Variants in MTUS2 observed in about 807,000 individuals in gnomAD.
MTUS2 encodes the protein microtubule associated scaffold protein 2, also known as microtubule-associated tumor suppressor candidate 2.
MTUS2 carries 40 observed loss-of-function variants against 114.1 expected under a neutral mutation model. That is an observed-to-expected ratio of 0.35 (90% CI 0.27 to 0.46). The LOEUF (loss-of-function observed/expected upper bound fraction) is 0.46, where lower values mean the gene tolerates loss of function less well. Ranked by LOEUF, MTUS2 falls within the 20% of genes least tolerant of loss-of-function variation. MTUS2 has a pLI of 1.00. For missense variants in MTUS2, 1,679 were observed against 1,705.4 expected (o/e 0.98, Z 0.27); for synonymous variants, 688 against 672.0 (o/e 1.02, Z -0.37).
chr13:29,053,360 T>A (rs781728410), intron 4 of MTUS2, among the ~76,000 whole-genome samples: 27 of 152,070 alleles, frequency 1.8e-4, no homozygotes, highest in Non-Finnish European at 4.0e-4. Flanking sequence ...TGGAGATCCA[T>A]GTGGGCACTA....
intron 1 of MTUS2, among the ~76,000 whole-genome samples, chr13:28,831,231 A>C (rs1487336688): frequency 1.3e-5 from 2 of 152,222 alleles, no homozygotes; most frequent in Non-Finnish European, 2.9e-5. Flanking sequence ...TGGAGGAACA[A>C]AAAGACATCA....
intron 4 of MTUS2, among the ~76,000 whole-genome samples, chr13:29,064,539 T>G (rs1407757140): frequency 6.6e-6 from 1 of 152,154 alleles, no homozygotes; most frequent in African/African-American, 2.4e-5. Context: ...ACTACTGTTG[T>G]AGTGTAAGCA....
chr13:29,001,779 C>G (rs931396345), intron 2 of MTUS2, among the ~76,000 whole-genome samples: 1 of 152,130 alleles, frequency 6.6e-6, no homozygotes, highest in African/African-American at 2.4e-5. Flanking sequence ...CCTGGATGAT[C>G]TGAGTAGGTC....
chr13:29,376,029 A>G (rs199977304), intron 8 of MTUS2, among the ~76,000 whole-genome samples: 11 of 12,170 alleles, frequency 9.0e-4, no homozygotes, highest in Non-Finnish European at 4.2e-3. Flanking sequence ...ATGTGTGTGT[A>G]TATATATATA....
At chr13:28,957,488 T>C (rs1309103291) in intron 2 of MTUS2, among the ~76,000 whole-genome samples, 1 of 152,238 alleles carries the variant, frequency 6.6e-6, no homozygotes, top group Non-Finnish European at 1.5e-5. Context: ...ATATTGAACA[T>C]GCACAGACTT....
At position 29,024,807 on chromosome 13, in the gene MTUS2, G is replaced by A. The variant is rs780176950; in HGVS notation, c.109G>A (p.Ala37Thr). The change falls in exon 3 of 16, where the codon GCC becomes ACC. Residue 37 changes from alanine (A) to threonine (T), a missense_variant. By Grantham distance (58) the Ala-to-Thr change is moderately conservative. This residue lies in a region of MTUS2 where 843 missense variants were observed against 770.8 expected (regional missense o/e 1.09). Transcript: ENST00000612955. ...CATCTTAAGTCTGGGAGATACGAAT[G>A]CCAATCAAATCATGTTGGAGGTCAG... ...ESILSLGDTNANQIMLEVSSS... is the reference protein window; with the variant it reads ...ESILSLGDTNTNQIMLEVSSS... The A allele has an allele frequency of 1.2e-6, 2 of 1,614,026 alleles. No individual in the cohort carries two copies. Among genetic ancestry groups the A allele is most frequent in the Non-Finnish European group, 1.7e-6 (2 of 1,179,902 alleles).
chr13:28,855,163 G>GAA (rs1365689342), intron 2 of MTUS2, among the ~76,000 whole-genome samples: 3 of 151,858 alleles, frequency 2.0e-5, no homozygotes, highest in Non-Finnish European at 4.4e-5. Context: ...ATGCCGATAC[G>GAA]AATTGTGCTT....
chr13:29,072,686 C>T (rs1465683646), intron 4 of MTUS2, among the ~76,000 whole-genome samples: 1 of 152,128 alleles, frequency 6.6e-6, no homozygotes, highest in Non-Finnish European at 1.5e-5. Flanking sequence ...TTTTAATTTG[C>T]TTTTGGACCT....
chr13:29,178,615 C>T (rs1053608017), intron 5 of MTUS2, among the ~76,000 whole-genome samples: 18 of 151,924 alleles, frequency 1.2e-4, no homozygotes, highest in Non-Finnish European at 2.4e-4. Flanking sequence ...CCAGATACTG[C>T]CAGATGTCCC....
intron 8 of MTUS2, among the ~76,000 whole-genome samples, chr13:29,407,090 C>CA (rs1213979794): frequency 6.6e-6 from 1 of 152,022 alleles, no homozygotes; most frequent in Non-Finnish European, 1.5e-5. Context: ...ACTAAAAATA[C>CA]AAAAAATTAG....
At chr13:29,238,806 G>C (rs552316725) in intron 5 of MTUS2, among the ~76,000 whole-genome samples, 1 of 152,110 alleles carries the variant, frequency 6.6e-6, no homozygotes, top group African/African-American at 2.4e-5. Context: ...TAACCATCAC[G>C]GTGGATGAAC....
chr13:29,049,102 A>C (rs1231458792), intron 4 of MTUS2, among the ~76,000 whole-genome samples: 2 of 152,250 alleles, frequency 1.3e-5, no homozygotes, highest in Non-Finnish European at 2.9e-5. Context: ...TCAGGTTACT[A>C]TTCAGAATGG....
chr13:28,975,472 AGCATCGCCCTCC>A lies in MTUS2; in HGVS notation c.-242-48984_-242-48973del, dbSNP rs1884051255. Among the ~76,000 whole-genome samples the A allele has an allele frequency of 1.5e-3, 7 of 4,704 alleles. No individual in the cohort carries two copies. In the African/African-American group the frequency reaches 0.016, roughly 11 times the overall value. 3.1% of individuals were successfully genotyped at this position (4,704 alleles called of 152,430 possible). ...GGGCGTTTCCAATCTCGCCTGCGGC[AGCATCGCCCTCC>A]CCTGCGGCAGCATCGCCCTCCCCTG... On this transcript the variant is annotated intron_variant, in intron 2 of 15. Coordinates refer to ENST00000612955, the MANE Select transcript of MTUS2 (RefSeq NM_001033602.4).
At chr13:29,381,326 G>A (rs1367519340) in intron 8 of MTUS2, among the ~76,000 whole-genome samples, 2 of 152,150 alleles carry the variant, frequency 1.3e-5, no homozygotes, top group Non-Finnish European at 2.9e-5. Context: ...AATAAAGCAA[G>A]GTTTGATATT....
intron 5 of MTUS2, among the ~76,000 whole-genome samples, chr13:29,138,907 C>A (rs530042960): frequency 6.6e-6 from 1 of 152,148 alleles, no homozygotes; most frequent in East Asian, 1.9e-4. Flanking sequence ...TAGTAAATTT[C>A]TGAGTCATTT....
chr13:29,500,991 C>A, intron 14 of MTUS2, 106 bp from the exon 15 acceptor site: 2 of 817,358 alleles, frequency 2.4e-6, no homozygotes, highest in Non-Finnish European at 4.0e-6. Flanking sequence ...CTGATGTTTG[C>A]AAAATGCTGT....
chr13:29,033,786 C>A, intron 3 of MTUS2, 99 bp from the exon 4 acceptor site: 1 of 1,446,452 alleles, frequency 6.9e-7, no homozygotes, highest in South Asian at 1.3e-5. Context: ...CTAAGTGGTA[C>A]CAGAGTGGTC....
chr13:28,976,540 T>C (rs1003912449), intron 2 of MTUS2, among the ~76,000 whole-genome samples: 1 of 152,012 alleles, frequency 6.6e-6, no homozygotes, highest in African/African-American at 2.4e-5. Flanking sequence ...AAGGTAAGAA[T>C]CAAGGGAGAT....
At position 29,026,602 on chromosome 13, in the gene MTUS2, C is replaced by T; in HGVS notation, c.1904C>T (p.Pro635Leu). 1 of 1,613,898 alleles carries T rather than the reference C, an allele frequency of 6.2e-7. No homozygotes were observed. Among genetic ancestry groups the T allele is most frequent in the Non-Finnish European group, 8.5e-7 (1 of 1,179,862 alleles). ...ACAGAAACTAAGCCCATCATTATGC[C>T]CAAGCCCAAGCATGTGAGGCCCAAG... ...ERTETKPIIM[P>L]KPKHVRPKII... Residue 635 changes from proline to leucine, a missense_variant, in exon 3 of 16, where the codon CCC (proline) becomes CTC (leucine). This residue lies in a region of MTUS2 where 14 missense variants were observed against 34.9 expected (regional missense o/e 0.40). Transcript: ENST00000612955.
Sources: gnomAD v4.1 joint callset for allele counts (sites outside exome capture counted in the v4.1 genomes callset) on GRCh38, gnomAD v4.1.1 for gene constraint, gnomAD v4.1.1 regional missense constraint, MANE v1.5 for transcripts, NCBI Gene and HGNC (gene_info 2026-07-23, HGNC 2026-07-21) for gene names.